Variants in MLPH observed in about 807,000 individuals in gnomAD.
MLPH encodes exophilin-3.
A neutral mutation model predicts 72.1 loss-of-function variants in MLPH; 51 were observed. The ratio of observed to expected loss-of-function variants is 0.71; its 90% CI spans 0.56 to 0.89. MLPH has a LOEUF of 0.89. Among genes scored for constraint, MLPH ranks in the 40% least tolerant of loss-of-function variants. The pLI is 0.00. For synonymous variants in MLPH, 301 were observed against 310.1 expected (o/e 0.97, Z 0.31); for missense variants, 743 against 759.9 (o/e 0.98, Z 0.26).
chr2:237,518,235 A>ATGGG (rs1171153953), intron 4 of MLPH: 7 of 475,466 alleles, frequency 1.5e-5, no homozygotes, highest in Non-Finnish European at 2.4e-5. Context: ...AGGTGGGTGT[A>ATGGG]TGGGTGGGTG....
intron 2 of MLPH, among the ~76,000 whole-genome samples, chr2:237,494,297 G>A (rs892396751): frequency 1.3e-5 from 2 of 152,186 alleles, no homozygotes; most frequent in Non-Finnish European, 2.9e-5. Flanking sequence ...CCCCGCTGAA[G>A]ATGGCAGGAG....
intron 2 of MLPH, among the ~76,000 whole-genome samples, chr2:237,506,899 C>G (rs1046685519): frequency 5.3e-5 from 8 of 151,974 alleles, no homozygotes; most frequent in African/African-American, 1.9e-4. Flanking sequence ...AACATGTTTT[C>G]TAGGCTGTAG....
At chr2:237,527,657 C>T (rs1574876027) in intron 8 of MLPH, 141 bp downstream of exon 8, 21 of 1,025,484 alleles carry the variant, frequency 2.0e-5, no homozygotes, top group South Asian at 4.3e-5. Context: ...AATGGAGATA[C>T]GTCATCACAA....
chr2:237,547,813 T>G (rs1479537360), intron 13 of MLPH, among the ~76,000 whole-genome samples: 1 of 147,922 alleles, frequency 6.8e-6, no homozygotes, highest in Non-Finnish European at 1.5e-5. Flanking sequence ...GTAGGAGCAG[T>G]GCACAGAGGG....
At chr2:237,490,965 G>A (rs752772851) in intron 1 of MLPH, among the ~76,000 whole-genome samples, 20 of 152,286 alleles carry the variant, frequency 1.3e-4, no homozygotes, top group Admixed American at 3.3e-4. Context: ...AAAATTCAAC[G>A]AATTATCCTT....
At chr2:237,498,501 A>G (rs1574835697) in intron 2 of MLPH, among the ~76,000 whole-genome samples, 1 of 151,918 alleles carries the variant, frequency 6.6e-6, no homozygotes, top group African/African-American at 2.4e-5. Flanking sequence ...TGACCCTGAG[A>G]CCCCCATGAG....
At chr2:237,486,865 A>G (rs1000485746), upstream of MLPH, 3 of 152,134 alleles carry the variant, frequency 2.0e-5, no homozygotes, top group Non-Finnish European at 4.4e-5. Flanking sequence ...CCATTTGTAA[A>G]GCCGAAGTAC....
upstream of MLPH, chr2:237,486,836 T>A (rs58057291): frequency 0.25 from 38,665 of 152,080 alleles, 5,295 homozygotes; most frequent in African/African-American, 0.35. Flanking sequence ...GTAGGGCGCG[T>A]TTCTGAGCCT....
intron 14 of MLPH, chr2:237,551,962 A>G (rs1286214499): frequency 4.9e-6 from 1 of 205,958 alleles, no homozygotes; most frequent in African/African-American, 2.4e-5. Flanking sequence ...TGGGTGACAG[A>G]GCAAGACTTT....
At chr2:237,502,702 C>T (rs1047707976) in intron 2 of MLPH, among the ~76,000 whole-genome samples, 4 of 152,164 alleles carry the variant, frequency 2.6e-5, no homozygotes, top group Admixed American at 2.6e-4. Flanking sequence ...TGCCAACCTG[C>T]CCTGGAAAGG....
chr2:237,515,054 T>C (rs1422807942), intron 4 of MLPH, among the ~76,000 whole-genome samples: 1 of 152,226 alleles, frequency 6.6e-6, no homozygotes, highest in African/African-American at 2.4e-5. Flanking sequence ...TCTATCTCTG[T>C]ATTATAAATG....
chr2:237,539,914 G>T (rs533778125), intron 9 of MLPH, among the ~76,000 whole-genome samples: 1 of 152,278 alleles, frequency 6.6e-6, no homozygotes, highest in South Asian at 2.1e-4. Context: ...TGGCCAGAGC[G>T]TGGGAAGAGC....
rs920607642 is a variant in MLPH, at chr2:237,554,303, G to A, written c.*711G>A. Reference sequence around the variant, plus strand: ...CTGCTGGGAGACGAAGAGACAGCAGGCAGAGCTCCAGATGGGCAAGGAAGA... The same window carrying A: ...CTGCTGGGAGACGAAGAGACAGCAGACAGAGCTCCAGATGGGCAAGGAAGA... On this transcript the variant is annotated 3_prime_UTR_variant, in exon 16 of 16. Coordinates refer to ENST00000264605, the MANE Select transcript of MLPH (RefSeq NM_024101.7). 5 of 167,382 alleles carry A rather than the reference G, an allele frequency of 3.0e-5. No individual in the cohort carries two copies. The highest frequency in any genetic ancestry group is 2.7e-4 in the Admixed American group (5 of 18,206). 10.4% of individuals were successfully genotyped at this position (167,382 alleles called of 1,614,324 possible).
At chr2:237,488,345 C>A (rs1010994177) in intron 1 of MLPH, among the ~76,000 whole-genome samples, 5 of 152,126 alleles carry the variant, frequency 3.3e-5, no homozygotes, top group Non-Finnish European at 5.9e-5. Context: ...ATTGACACCC[C>A]GGGTTCAGCT....
intron 4 of MLPH, among the ~76,000 whole-genome samples, chr2:237,517,205 G>T (rs965275166): frequency 6.6e-6 from 1 of 151,754 alleles, no homozygotes; most frequent in Non-Finnish European, 1.5e-5. Context: ...GATGAGTGGT[G>T]GGTGGATGGA....
chr2:237,550,514 C>A (rs2081010196), intron 14 of MLPH, among the ~76,000 whole-genome samples: 2 of 152,270 alleles, frequency 1.3e-5, no homozygotes, highest in South Asian at 4.2e-4. Flanking sequence ...GAGTTTCCTG[C>A]ACATCTCGTG....
intron 2 of MLPH, among the ~76,000 whole-genome samples, chr2:237,494,290 C>T (rs988167934): frequency 3.3e-5 from 5 of 152,154 alleles, no homozygotes; most frequent in Non-Finnish European, 7.4e-5. Context: ...CAGAGGGCCC[C>T]GCTGAAGATG....
intron 2 of MLPH, among the ~76,000 whole-genome samples, chr2:237,494,240 G>A (rs2079489325): frequency 6.6e-6 from 1 of 152,116 alleles, no homozygotes; most frequent in African/African-American, 2.4e-5. Context: ...GCAGAAGGCA[G>A]AAGGCAGATG....
chr2:237,518,746 C>T, intron 5 of MLPH, 98 bp downstream of exon 5: 1 of 858,648 alleles, frequency 1.2e-6, no homozygotes, highest in Non-Finnish European at 1.9e-6. Flanking sequence ...ATGGCCTCTC[C>T]ACAACTCCAC....
Sources: allele counts gnomAD v4.1 joint callset (sites outside exome capture counted in the v4.1 genomes callset), GRCh38; gene constraint gnomAD v4.1.1; transcripts MANE v1.5; gene names NCBI Gene and HGNC (gene_info 2026-07-23, HGNC 2026-07-21).